The following MTHFD1L variants were observed in gnomAD, a reference collection of about 807,000 sequenced individuals.
MTHFD1L encodes the protein methylenetetrahydrofolate dehydrogenase (NADP+ dependent) 1 like, also known as monofunctional C1-tetrahydrofolate synthase, mitochondrial.
In MTHFD1L, 81 loss-of-function variants were observed where a neutral mutation model predicts 119.5. That is an observed-to-expected ratio of 0.68 (90% CI 0.57 to 0.82). The LOEUF (loss-of-function observed/expected upper bound fraction) is 0.82, where lower values mean the gene tolerates loss of function less well. MTHFD1L is among the 40% of genes least tolerant of loss of function. MTHFD1L has a pLI of 0.00. For missense variants in MTHFD1L, 1,125 were observed against 1,253.4 expected, an observed-to-expected ratio of 0.90 and a Z score of 1.55; for synonymous variants, 430 against 475.2, an observed-to-expected ratio of 0.90 and a Z score of 1.24.
chr6:150,882,643 A>G (rs1331018014), intron 4 of MTHFD1L, 119 bp from the exon 5 acceptor site: 1 of 744,572 alleles, frequency 1.3e-6, no homozygotes, highest in East Asian at 3.4e-5. Flanking sequence ...CAAGGAGCAA[A>G]ACAACAACAA....
intron 10 of MTHFD1L, among the ~76,000 whole-genome samples, chr6:150,924,554 T>G (rs1789593966): frequency 6.6e-6 from 1 of 152,100 alleles, no homozygotes; most frequent in African/African-American, 2.4e-5. Context: ...TCAGCTCACC[T>G]CAACCTCCGC....
chr6:151,005,058 G>T (rs1005032567), intron 20 of MTHFD1L, among the ~76,000 whole-genome samples: 2 of 151,908 alleles, frequency 1.3e-5, no homozygotes, highest in African/African-American at 2.4e-5. Flanking sequence ...GCTTTGTTAA[G>T]AACTGCAAAT....
chr6:150,937,734 T>C (rs1792348759), intron 12 of MTHFD1L, among the ~76,000 whole-genome samples: 1 of 152,062 alleles, frequency 6.6e-6, no homozygotes, highest in Non-Finnish European at 1.5e-5. Context: ...AGTCACAACC[T>C]CTCGGAGCCG....
intron 26 of MTHFD1L, among the ~76,000 whole-genome samples, chr6:151,063,448 T>G (rs1390547556): frequency 6.6e-6 from 1 of 152,240 alleles, no homozygotes; most frequent in East Asian, 1.9e-4. Flanking sequence ...TTCTTTCAGC[T>G]TTCAAACATG....
intron 7 of MTHFD1L, 90 bp from the exon 8 acceptor site, chr6:150,905,560 G>A (rs1231528617): frequency 2.2e-6 from 2 of 904,410 alleles, no homozygotes; most frequent in Non-Finnish European, 3.7e-6. Flanking sequence ...TGTGGATCTG[G>A]GATTGTGTAG....
At chr6:151,012,624 T>C (rs1488379768) in intron 21 of MTHFD1L, among the ~76,000 whole-genome samples, 1 of 152,186 alleles carries the variant, frequency 6.6e-6, no homozygotes, top group Non-Finnish European at 1.5e-5. Flanking sequence ...TATTGTGCTA[T>C]GCTTTGGGAT....
chr6:151,094,550 A>G (rs976790298), intron 27 of MTHFD1L, among the ~76,000 whole-genome samples: 6 of 150,860 alleles, frequency 4.0e-5, no homozygotes, highest in African/African-American at 1.5e-4. Context: ...TTATTTATGT[A>G]TTTATTTATT....
chr6:151,075,765 C>T (rs1792433916), intron 26 of MTHFD1L, among the ~76,000 whole-genome samples: 1 of 152,198 alleles, frequency 6.6e-6, no homozygotes. Flanking sequence ...AATATGTTCT[C>T]TAACCACAGT....
At chr6:150,951,398 G>A (rs1469543162) in intron 16 of MTHFD1L, among the ~76,000 whole-genome samples, 2 of 152,136 alleles carry the variant, frequency 1.3e-5, no homozygotes, top group African/African-American at 4.8e-5. Context: ...TTTTGGAAAT[G>A]TCTCAAAAGA....
At chr6:150,994,081 G>GAAAAAAAAAAAAAAAAAAAAAA (rs60268628) in intron 20 of MTHFD1L, among the ~76,000 whole-genome samples, 1 of 106,256 alleles carries the variant, frequency 9.4e-6, no homozygotes, top group Non-Finnish European at 1.7e-5. Context: ...AAAAAAAAAA[G>GAAAAAAAAAAAAAAAAAAAAAA]AAAGAAAGAA....
chr6:150,927,424 A>T (rs1170874666), intron 11 of MTHFD1L, among the ~76,000 whole-genome samples: 1 of 151,610 alleles, frequency 6.6e-6, no homozygotes, highest in Non-Finnish European at 1.5e-5. Flanking sequence ...TTTCATGACA[A>T]CATAACATTC....
At chr6:150,918,791 C>A in intron 9 of MTHFD1L, 123 bp downstream of exon 9, 1 of 731,972 alleles carries the variant, frequency 1.4e-6, no homozygotes, top group Non-Finnish European at 2.3e-6. Context: ...CAGTGTTAGG[C>A]CCATTTGATA....
At chr6:150,868,477 T>G (rs1778823750) in intron 1 of MTHFD1L, among the ~76,000 whole-genome samples, 1 of 151,786 alleles carries the variant, frequency 6.6e-6, no homozygotes, top group South Asian at 2.1e-4. Flanking sequence ...GTAGCTGGGA[T>G]TACAGGCTCG....
intron 12 of MTHFD1L, among the ~76,000 whole-genome samples, chr6:150,938,248 C>T (rs1792461984): frequency 6.6e-6 from 1 of 151,988 alleles, no homozygotes; most frequent in African/African-American, 2.4e-5. Context: ...GAACTCCTGA[C>T]CTCAAGTGAT....
In MTHFD1L at chr6:151,036,982, C is replaced by T. The variant is rs756784107; in HGVS notation, c.2712C>T (p.Pro904=). 1.9e-6 allele frequency: 3 copies of T among 1,611,952 alleles called. No homozygotes were observed. Among genetic ancestry groups the T allele is most frequent in the Non-Finnish European group, 2.5e-6 (3 of 1,179,860 alleles). The stretch of plus-strand genomic sequence containing the variant: ...TCTCACAGGGTTTTGGAAATTTGCC[C>T]ATCTGCATGGCAAAGACCCACCTTT... ...RYTQQGFGNL[P]ICMAKTHLSL... is the part of the protein sequence containing the mutation. The change falls in exon 26 of 28, where the codon CCC becomes CCT. Residue 904 remains proline, a synonymous_variant. Coordinates refer to ENST00000367321, the MANE Select transcript of MTHFD1L (RefSeq NM_015440.5).
intron 15 of MTHFD1L, among the ~76,000 whole-genome samples, chr6:150,946,396 C>T (rs935041009): frequency 1.3e-5 from 2 of 152,210 alleles, no homozygotes; most frequent in Non-Finnish European, 2.9e-5. Context: ...GTGATCCATC[C>T]ACCTTGGCCT....
At chr6:151,085,931 C>G (rs1458275696) in intron 26 of MTHFD1L, among the ~76,000 whole-genome samples, 1 of 152,066 alleles carries the variant, frequency 6.6e-6, no homozygotes, top group Non-Finnish European at 1.5e-5. Context: ...GTAGTAAGCT[C>G]TTAGCAGGGA....
chr6:151,006,093 G>A (rs1374187800), intron 20 of MTHFD1L, among the ~76,000 whole-genome samples: 1 of 151,930 alleles, frequency 6.6e-6, no homozygotes, highest in Admixed American at 6.6e-5. Context: ...TGAATAAGGC[G>A]TGGTCCCGCC....
rs909140552 is a variant in MTHFD1L, at chr6:151,015,345, C to CT, written c.2409-162dup. On this transcript the variant is annotated intron_variant, in intron 23 of 27. Coordinates refer to ENST00000367321, the MANE Select transcript of MTHFD1L (RefSeq NM_015440.5). ...AATATTTGAGTCACTTTAGAGAGGA[C>CT]TTTTTTTTTCCATGCTTTAAGTCTG... Among the ~76,000 whole-genome samples, 40 of 150,044 alleles carry CT rather than the reference C, an allele frequency of 2.7e-4. No homozygotes were observed. In the East Asian group the frequency reaches 6.3e-3, roughly 24 times the overall value.
Sources: gnomAD v4.1 joint callset for allele counts (sites outside exome capture counted in the v4.1 genomes callset) on GRCh38, gnomAD v4.1.1 for gene constraint, MANE v1.5 for transcripts, NCBI Gene and HGNC (gene_info 2026-07-23, HGNC 2026-07-21) for gene names.